KCNMA1: variants seen among roughly 807,000 people sequenced by gnomAD.
KCNMA1 encodes the protein Calcium-activated potassium channel subunit alpha-1.
A neutral mutation model predicts 140.0 loss-of-function variants in KCNMA1; 29 were observed. The observed-to-expected ratio is 0.21, with a 90% CI of 0.15 to 0.28. KCNMA1 has a LOEUF of 0.28. KCNMA1 is among the 10% of genes least tolerant of loss of function. The pLI, the probability that KCNMA1 is intolerant of heterozygous loss-of-function variation, is 1.00. For missense variants in KCNMA1, 880 were observed against 1,602.2 expected (o/e 0.55, Z 7.70); for synonymous variants, 612 against 611.9 (o/e 1.00, Z 0.00).
chr10:76,940,350 C>G (rs567152997), intron 23 of KCNMA1, among the ~76,000 whole-genome samples: 4 of 152,298 alleles, frequency 2.6e-5, no homozygotes, highest in East Asian at 3.9e-4. Flanking sequence ...AAAAAAGAGG[C>G]TTTGTTAGTC....
chr10:77,416,179 T>A (rs2154480556), intron 1 of KCNMA1, among the ~76,000 whole-genome samples: 1 of 152,240 alleles, frequency 6.6e-6, no homozygotes, highest in East Asian at 1.9e-4. Context: ...AATGTGGCTT[T>A]CAGACTTCAG....
rs774630729 is a variant in KCNMA1, at chr10:77,184,907, T to C, written c.612A>G (p.Glu204=). Residue 204 remains glutamate, a synonymous_variant, in exon 4 of 28, where the codon GAA becomes GAG. Transcript: ENST00000286628. ...AATCTTTGTAGAAATTCTGGCAGGATTCTATTGGGCTATTAGACAGGAAGA... is the reference window on the plus strand; with the variant it reads ...AATCTTTGTAGAAATTCTGGCAGGACTCTATTGGGCTATTAGACAGGAAGA... ...IYFIDSSNPI[E]SCQNFYKDFT... 2 of 1,603,918 alleles carry C rather than the reference T, an allele frequency of 1.2e-6. No homozygotes were observed. Among genetic ancestry groups the C allele is most frequent in the Admixed American group, 3.3e-5 (2 of 60,000 alleles).
intron 1 of KCNMA1, among the ~76,000 whole-genome samples, chr10:77,481,608 A>G (rs987673771): frequency 2.0e-5 from 3 of 151,936 alleles, no homozygotes; most frequent in African/African-American, 7.3e-5. Context: ...GCCCATCTCT[A>G]CTAAAAATAT....
At chr10:77,383,540 C>A (rs914244668) in intron 2 of KCNMA1, among the ~76,000 whole-genome samples, 1 of 151,434 alleles carries the variant, frequency 6.6e-6, no homozygotes, top group Non-Finnish European at 1.5e-5. Context: ...TCAGCCATCA[C>A]CATTATCCAT....
chr10:77,541,638 C>T (rs1182959082), intron 1 of KCNMA1, among the ~76,000 whole-genome samples: 1 of 152,070 alleles, frequency 6.6e-6, no homozygotes, highest in African/African-American at 2.4e-5. Flanking sequence ...GTTCCAAAAT[C>T]AAGGCTTGAG....
At chr10:77,472,866 C>T (rs549367893) in intron 1 of KCNMA1, among the ~76,000 whole-genome samples, 1 of 152,292 alleles carries the variant, frequency 6.6e-6, no homozygotes, top group Admixed American at 6.5e-5. Context: ...GGAGTGAAGA[C>T]ATTAGCTCAA....
At chr10:77,549,009 A>G (rs117250558) in intron 1 of KCNMA1, among the ~76,000 whole-genome samples, 2 of 152,302 alleles carry the variant, frequency 1.3e-5, no homozygotes, top group Admixed American at 1.3e-4. Flanking sequence ...TGGTGATGCT[A>G]TCTTCCCACT....
chr10:77,271,834 T>TG (rs1456851073), intron 2 of KCNMA1, among the ~76,000 whole-genome samples: 1 of 151,928 alleles, frequency 6.6e-6, no homozygotes, highest in African/African-American at 2.4e-5. Context: ...CCCCACACCC[T>TG]GGGGGAAAAA....
At position 77,259,103 on chromosome 10, in the gene KCNMA1, C is replaced by T. The variant is rs1304700826; in HGVS notation, c.541-7847G>A. On this transcript the variant is annotated intron_variant, in intron 2 of 27. Transcript: ENST00000286628. The stretch of plus-strand genomic sequence containing the variant: ...AAATTACCAAGCTAGCACTATGAAA[C>T]ATCACATTTGACTTATGGAAGCACA... Among the ~76,000 whole-genome samples, 4 of 152,122 alleles carry T rather than the reference C, an allele frequency of 2.6e-5. No homozygotes were observed. The East Asian group carries it at 7.7e-4, about 29-fold the overall frequency.
At chr10:77,464,326 A>G (rs1231096054) in intron 1 of KCNMA1, among the ~76,000 whole-genome samples, 1 of 152,120 alleles carries the variant, frequency 6.6e-6, no homozygotes, top group African/African-American at 2.4e-5. Context: ...ATTTTCTACC[A>G]GGCTGCCCCC....
chr10:77,501,440 C>A (rs1307161237), intron 1 of KCNMA1, among the ~76,000 whole-genome samples: 1 of 152,226 alleles, frequency 6.6e-6, no homozygotes, highest in Non-Finnish European at 1.5e-5. Flanking sequence ...TGTCCCCTGA[C>A]AATGGATGGA....
intron 2 of KCNMA1, among the ~76,000 whole-genome samples, chr10:77,360,726 G>C (rs532393070): frequency 1.3e-5 from 2 of 152,342 alleles, no homozygotes; most frequent in East Asian, 3.9e-4. Context: ...GAGAAACTGA[G>C]TCAAGCTACT....
chr10:77,037,079 G>A (rs760758670), intron 15 of KCNMA1, among the ~76,000 whole-genome samples: 3 of 152,122 alleles, frequency 2.0e-5, no homozygotes, highest in South Asian at 2.1e-4. Flanking sequence ...ACAACAATTT[G>A]TCTCCTTCTT....
intron 1 of KCNMA1, among the ~76,000 whole-genome samples, chr10:77,532,222 G>A (rs1263203364): frequency 2.6e-5 from 4 of 152,208 alleles, no homozygotes; most frequent in Non-Finnish European, 4.4e-5. Flanking sequence ...GAATCCCCCC[G>A]TGTGTCACGC....
chr10:77,354,884 G>A (rs183196068), intron 2 of KCNMA1, among the ~76,000 whole-genome samples: 3 of 152,340 alleles, frequency 2.0e-5, no homozygotes, highest in Non-Finnish European at 4.4e-5. Flanking sequence ...AGAGACTATG[G>A]AAACTTCAGT....
At chr10:76,934,212 T>C (rs1029007574) in intron 23 of KCNMA1, among the ~76,000 whole-genome samples, 5 of 152,340 alleles carry the variant, frequency 3.3e-5, no homozygotes, top group East Asian at 1.9e-4. Flanking sequence ...CCTCAGGTGA[T>C]CCACCTGCTT....
chr10:77,185,030 A>G (rs2098837217), intron 3 of KCNMA1, 114 bp from the exon 4 acceptor site: 2 of 761,362 alleles, frequency 2.6e-6, no homozygotes, highest in Non-Finnish European at 4.7e-6. Context: ...GAATATTCAT[A>G]AAAGAAAACA....
intron 1 of KCNMA1, among the ~76,000 whole-genome samples, chr10:77,463,862 C>T (rs916315364): frequency 2.6e-5 from 4 of 152,116 alleles, no homozygotes; most frequent in Non-Finnish European, 5.9e-5. Flanking sequence ...GTGGGACAGG[C>T]GACAGGAGCT....
intron 1 of KCNMA1, among the ~76,000 whole-genome samples, chr10:77,531,330 G>C (rs554599867): frequency 6.6e-6 from 1 of 152,288 alleles, no homozygotes; most frequent in East Asian, 1.9e-4. Flanking sequence ...ACGATAATCT[G>C]AAATGAGAGT....
Sources: gnomAD v4.1 joint callset for allele counts (sites outside exome capture counted in the v4.1 genomes callset) on GRCh38, gnomAD v4.1.1 for gene constraint, MANE v1.5 for transcripts, NCBI Gene and HGNC (gene_info 2026-07-23, HGNC 2026-07-21) for gene names.